Variants in PCDHGA2 observed in about 807,000 individuals in gnomAD.
PCDHGA2 encodes the protein protocadherin gamma-A2.
A neutral mutation model predicts 59.2 loss-of-function variants in PCDHGA2; 40 were observed. The ratio of observed to expected loss-of-function variants is 0.68; its 90% CI spans 0.52 to 0.88. The LOEUF (loss-of-function observed/expected upper bound fraction) is 0.88. PCDHGA2 is among the 40% of genes least tolerant of loss of function. The pLI, the probability that PCDHGA2 is intolerant of heterozygous loss-of-function variation, is 0.00. For synonymous variants in PCDHGA2, 560 were observed against 526.0 expected (o/e 1.06, Z -0.89); for missense variants, 1,226 against 1,204.0 (o/e 1.02, Z -0.27).
intron 1 of PCDHGA2, chr5:141,351,440 T>C (rs1758720345): frequency 6.2e-7 from 1 of 1,612,578 alleles, no homozygotes; most frequent in Non-Finnish European, 8.5e-7. Flanking sequence ...AGAATCCACC[T>C]CGAAGAATTA....
In PCDHGA2 at chr5:141,486,585, GGGA is replaced by G; in HGVS notation, c.2425-8221_2425-8219del. The G allele has an allele frequency of 6.2e-7, 1 of 1,613,708 alleles. No individual in the cohort carries two copies. Among genetic ancestry groups the G allele is most frequent in the Non-Finnish European group, 8.5e-7 (1 of 1,180,024 alleles). On this transcript the variant is annotated intron_variant, in intron 1 of 3. Transcript: ENST00000394576. This position sits in a 1 kb window ranked among gnomAD's most constrained non-coding sequence, Gnocchi z 5.0. ...TTTGTTCCTGAGAACAATCGCCCAG[GGGA>G]CCTGCTTTGCTCCCTTGCAGCCTCT...
chr5:141,404,809 G>A (rs1383342554), intron 1 of PCDHGA2: 1 of 1,613,984 alleles, frequency 6.2e-7, no homozygotes, highest in East Asian at 2.2e-5. Flanking sequence ...TCTTCTCGGT[G>A]GGGCTGCACA....
intron 1 of PCDHGA2, chr5:141,344,559 G>A (rs766688660): frequency 6.2e-7 from 1 of 1,614,008 alleles, no homozygotes; most frequent in South Asian, 1.1e-5. Context: ...TAGCCCCAAT[G>A]ACTACTTCTC....
intron 1 of PCDHGA2, chr5:141,393,488 A>G: frequency 1.9e-6 from 3 of 1,614,066 alleles, no homozygotes; most frequent in Non-Finnish European, 2.5e-6. Context: ...GCTCTAGCAC[A>G]GTGCGCATCC....
intron 1 of PCDHGA2, chr5:141,478,068 A>G (rs560968418): frequency 3.7e-6 from 6 of 1,614,134 alleles, no homozygotes; most frequent in East Asian, 4.5e-5. Flanking sequence ...ATCAAAGACA[A>G]TGGGGAGCCT....
At chr5:141,363,379 C>A (rs1307395105) in intron 1 of PCDHGA2, among the ~76,000 whole-genome samples, 1 of 151,982 alleles carries the variant, frequency 6.6e-6, no homozygotes, top group Non-Finnish European at 1.5e-5. Flanking sequence ...AGAGGTTTTT[C>A]TATTTCTGTT....
At chr5:141,507,831 T>C (rs2099864030) in intron 3 of PCDHGA2, among the ~76,000 whole-genome samples, 1 of 152,134 alleles carries the variant, frequency 6.6e-6, no homozygotes, top group African/African-American at 2.4e-5. Context: ...GTGGAGGTGG[T>C]GGGTCAGGCC....
At chr5:141,381,342 T>C (rs931867398) in intron 1 of PCDHGA2, among the ~76,000 whole-genome samples, 3 of 152,254 alleles carry the variant, frequency 2.0e-5, no homozygotes, top group Non-Finnish European at 4.4e-5. Context: ...GAGCTTTCTT[T>C]TCTTTCTGCT....
intron 1 of PCDHGA2, chr5:141,403,162 T>C (rs745617954): frequency 9.3e-6 from 15 of 1,613,862 alleles, no homozygotes; most frequent in African/African-American, 2.7e-5. Flanking sequence ...TCTCTAGAGG[T>C]AGGACGCAGC....
intron 1 of PCDHGA2, among the ~76,000 whole-genome samples, chr5:141,373,000 T>C (rs1310950733): frequency 6.6e-6 from 1 of 152,222 alleles, no homozygotes; most frequent in Non-Finnish European, 1.5e-5. Context: ...TGTTCTTTCA[T>C]AGAAAGCCTC....
chr5:141,362,202 G>A, intron 1 of PCDHGA2: 1 of 1,614,078 alleles, frequency 6.2e-7, no homozygotes, highest in Non-Finnish European at 8.5e-7. Flanking sequence ...CAAAACTGCA[G>A]TTTTACCTGG....
In PCDHGA2 at chr5:141,344,158, G is replaced by T. The variant is rs761148064; in HGVS notation, c.2424+2763G>T. 2.5e-6 allele frequency: 4 copies of T among 1,614,030 alleles called. No individual in the cohort carries two copies. In the Admixed American group the frequency reaches 5.0e-5, roughly 20 times the overall value. ...TCGGTGTCTGAGGAGCTAGATAAAG[G>T]TTCCTTCGTGGGCAACATCGCTAAC... On this transcript the variant is annotated intron_variant, in intron 1 of 3. Transcript: ENST00000394576.
At chr5:141,376,788 G>A (rs944207667) in intron 1 of PCDHGA2, 10 of 365,346 alleles carry the variant, frequency 2.7e-5, no homozygotes, top group Non-Finnish European at 4.9e-5. Context: ...CCGGGTTCAC[G>A]CCATTCTCCT....
At chr5:141,387,728 C>A (rs1366349422) in intron 1 of PCDHGA2, 3 of 1,221,130 alleles carry the variant, frequency 2.5e-6, no homozygotes, top group Non-Finnish European at 2.2e-6. Flanking sequence ...TCCCCAGCGC[C>A]AGCCTTTACA....
At position 141,422,706 on chromosome 5, in the gene PCDHGA2, G is replaced by A. The variant is rs758922274; in HGVS notation, c.2425-72101G>A. On this transcript the variant is annotated intron_variant, in intron 1 of 3. Transcript: ENST00000394576. ...ATGCCCTGGTCACTTACTCTCTGAC[G>A]GATGACACTGTCCAGGGGGTGCCTC... The A allele has an allele frequency of 8.1e-6, 13 of 1,602,906 alleles. No homozygotes were observed. In the South Asian group the frequency reaches 1.5e-4, roughly 18 times the overall value.
In PCDHGA2 at chr5:141,472,878, C is replaced by T. The variant is rs774209715; in HGVS notation, c.2425-21929C>T. ...GCACATGCCTGTATTCCCAGCTACT[C>T]GGGAGGCTGAGGCAGGAGAATTGCT... On this transcript the variant is annotated intron_variant, in intron 1 of 3. Transcript: ENST00000394576. 6.8e-5 allele frequency among the ~76,000 whole-genome samples: 10 copies of T among 146,132 alleles called. 1 individual carries two copies. The highest frequency in any genetic ancestry group is 4.2e-4 in the East Asian group (2 of 4,758).
intron 1 of PCDHGA2, among the ~76,000 whole-genome samples, chr5:141,353,461 C>T (rs981513754): frequency 6.6e-6 from 1 of 152,096 alleles, no homozygotes; most frequent in Non-Finnish European, 1.5e-5. Context: ...TTAATACAGC[C>T]TTCCAATTAT....
intron 1 of PCDHGA2, among the ~76,000 whole-genome samples, chr5:141,434,609 G>T (rs189866750): frequency 1.3e-5 from 2 of 151,946 alleles, no homozygotes; most frequent in Non-Finnish European, 2.9e-5. Flanking sequence ...CTTTATTTCC[G>T]CCCATCTCTT....
intron 1 of PCDHGA2, chr5:141,357,688 C>A (rs1173452937): frequency 6.4e-7 from 1 of 1,562,844 alleles, no homozygotes; most frequent in South Asian, 1.2e-5. Flanking sequence ...AAATGTCTCT[C>A]ATTTTATATG....
Sources: allele counts gnomAD v4.1 joint callset (sites outside exome capture counted in the v4.1 genomes callset), GRCh38; gene constraint gnomAD v4.1.1; non-coding constraint Gnocchi (gnomAD v3.1); transcripts MANE v1.5; gene names NCBI Gene and HGNC (gene_info 2026-07-23, HGNC 2026-07-21).